PXN: variants seen among roughly 807,000 people sequenced by gnomAD.
The protein encoded by PXN is testicular tissue protein Li 134.
PXN carries 61 observed loss-of-function variants against 103.6 expected under a neutral mutation model. That is an observed-to-expected ratio of 0.59 (90% CI 0.48 to 0.73). PXN has a LOEUF of 0.73. Among genes scored for constraint, PXN ranks in the 30% least tolerant of loss-of-function variants. The pLI, the probability that PXN is intolerant of heterozygous loss-of-function variation, is 0.00. For missense variants in PXN, 1,274 were observed against 1,460.3 expected (o/e 0.87, Z 2.08); for synonymous variants, 562 against 607.8 (o/e 0.92, Z 1.11).
In PXN at chr12:120,216,861, C is replaced by G; in HGVS notation, c.1972G>C (p.Gly658Arg). 1 of 1,510,502 alleles carries G rather than the reference C, an allele frequency of 6.6e-7. No individual in the cohort carries two copies. Among genetic ancestry groups the G allele is most frequent in the Non-Finnish European group, 8.8e-7 (1 of 1,138,970 alleles). The allele number at this position is 1,510,502 out of a possible 1,614,324, so 93.6% of individuals were successfully genotyped here. A position where few individuals can be genotyped will look rare whatever the true frequency, so the allele number is the denominator to read the frequency against. The change falls in exon 8 of 15, where the codon GGG (glycine) becomes CGG (arginine). Residue 658 changes from glycine to arginine, a missense_variant. By Grantham distance (125) the Gly-to-Arg change is moderately radical. Transcript: ENST00000637617. This position sits in a 1 kb window ranked among gnomAD's most constrained non-coding sequence, Gnocchi z 5.1. ...GCCACCTTCTCTACGAGCTGCCCCC[C>G]GGCCCGCTTCCCACGTGGCTGCACA... The part of the protein sequence containing the change: ...ITVQPRGKRA[G>R]GQLVEKVVFP...
chr12:120,252,115 C>G (rs547800453), intron 1 of PXN, among the ~76,000 whole-genome samples: 1 of 152,226 alleles, frequency 6.6e-6, no homozygotes, highest in Admixed American at 6.6e-5. Flanking sequence ...ACCTCCCCAC[C>G]CCAAACCCAG....
intron 1 of PXN, among the ~76,000 whole-genome samples, chr12:120,237,280 T>C (rs1157502170): frequency 6.6e-6 from 1 of 152,022 alleles, no homozygotes; most frequent in Non-Finnish European, 1.5e-5. Context: ...TGCCTCAGCC[T>C]CCCAAGTAGC....
At chr12:120,238,830 A>T (rs1889615410) in intron 1 of PXN, among the ~76,000 whole-genome samples, 1 of 152,172 alleles carries the variant, frequency 6.6e-6, no homozygotes, top group Non-Finnish European at 1.5e-5. Flanking sequence ...GGTGAACCCC[A>T]TCATTCCTCC....
At chr12:120,232,468 C>T (rs568633562) in intron 1 of PXN, among the ~76,000 whole-genome samples, 1 of 152,306 alleles carries the variant, frequency 6.6e-6, no homozygotes, top group East Asian at 1.9e-4. Context: ...GATGCTAGAC[C>T]TTTTCAGGTC....
chr12:120,242,408 A>G lies in PXN; in HGVS notation c.14-18031T>C, dbSNP rs577863844. Among the ~76,000 whole-genome samples the G allele has an allele frequency of 3.3e-5, 5 of 152,218 alleles. No individual in the cohort carries two copies. The South Asian group carries it at 1.0e-3, about 32-fold the overall frequency. On this transcript the variant is annotated intron_variant, in intron 1 of 14. Transcript: ENST00000637617. Reference sequence around the variant, plus strand: ...CTGACAGCCGTCCTCCAGGAAAAAGAGGGGTCAGCCTAAGCAGGTTATCAG... The same window carrying G: ...CTGACAGCCGTCCTCCAGGAAAAAGGGGGGTCAGCCTAAGCAGGTTATCAG...
chr12:120,227,067 TCTC>T (rs1887014717), intron 1 of PXN: 2 of 985,922 alleles, frequency 2.0e-6, no homozygotes, highest in Non-Finnish European at 2.4e-6. Context: ...TTCTTCTAAG[TCTC>T]CTAAGTCTTT....
chr12:120,249,415 C>T (rs1891780773), intron 1 of PXN, among the ~76,000 whole-genome samples: 1 of 152,112 alleles, frequency 6.6e-6, no homozygotes, highest in Admixed American at 6.5e-5. Context: ...GAGGGAAAAT[C>T]TCAGACAGTC....
intron 1 of PXN, among the ~76,000 whole-genome samples, chr12:120,238,571 A>C (rs796239639): frequency 6.6e-6 from 1 of 152,378 alleles, no homozygotes; most frequent in African/African-American, 2.4e-5. Flanking sequence ...GCAGAGCCAG[A>C]GGGCAACAGC....
chr12:120,236,753 G>A (rs935583780), intron 1 of PXN, among the ~76,000 whole-genome samples: 3 of 152,010 alleles, frequency 2.0e-5, no homozygotes, highest in Non-Finnish European at 4.4e-5. Context: ...GGCATTACAG[G>A]TGTGAGCCAC....
Position 120,224,435 on chromosome 12 carries a change from G to A in PXN, c.14-58C>T. 7.8e-7 allele frequency: 1 copy of A among 1,277,620 alleles called. No individual in the cohort carries two copies. Among genetic ancestry groups the A allele is most frequent in the Admixed American group, 1.7e-5 (1 of 59,578 alleles). 79.1% of individuals were successfully genotyped at this position (1,277,620 alleles called of 1,614,324 possible). A position where few individuals can be genotyped will look rare whatever the true frequency, so the allele number is the denominator to read the frequency against. Reference sequence around the variant, plus strand: ...ACCGGGATCCTGGGGACTCTCCCGTGGCAGGGCCCTCCCTGCCTGCACCTC... The same window carrying A: ...ACCGGGATCCTGGGGACTCTCCCGTAGCAGGGCCCTCCCTGCCTGCACCTC... On this transcript the variant is annotated intron_variant, in intron 1 of 14. Transcript: ENST00000637617. The surrounding 1 kb of genome is among the most constrained non-coding windows in gnomAD (Gnocchi z 5.0).
chr12:120,234,811 C>T (rs1888720651), intron 1 of PXN, among the ~76,000 whole-genome samples: 1 of 152,264 alleles, frequency 6.6e-6, no homozygotes, highest in East Asian at 1.9e-4. Flanking sequence ...CGTAAGCCTC[C>T]CACTCTGACA....
chr12:120,264,182 G>T (rs1894313846), intron 1 of PXN: 1 of 152,194 alleles, frequency 6.6e-6, no homozygotes, highest in Non-Finnish European at 1.5e-5. Context: ...GGATCTCAGG[G>T]GCACCCTGAT....
In PXN at chr12:120,258,546, C is replaced by A. The variant is rs76949599; in HGVS notation, c.13+7071G>T. Among the ~76,000 whole-genome samples, 1,285 of 152,248 alleles carry A rather than the reference C, an allele frequency of 8.4e-3. 19 individuals carry two copies. Among genetic ancestry groups the A allele is most frequent in the African/African-American group, 0.027 (1,115 of 41,528 alleles). Reference sequence around the variant, plus strand: ...AACCATAGGCAGGCGCAGGCCAGCACCTAGGCCCAACAACTCCAAGCCCAT... The same window carrying A: ...AACCATAGGCAGGCGCAGGCCAGCAACTAGGCCCAACAACTCCAAGCCCAT... On this transcript the variant is annotated intron_variant, in intron 1 of 14. Transcript: ENST00000637617.
intron 1 of PXN, among the ~76,000 whole-genome samples, chr12:120,227,642 G>A (rs977414046): frequency 6.6e-6 from 1 of 152,118 alleles, no homozygotes; most frequent in South Asian, 2.1e-4. Context: ...CTCTGGTATG[G>A]CTTCCTCCTC....
chr12:120,214,733 C>G lies in PXN; in HGVS notation c.2748+92G>C, dbSNP rs1480795012. ...TGTGAGCCTCGGGCATGTGACCTCT[C>G]TGAGCCTCCCACGGCACCCCCTGCA... is the stretch of plus-strand genomic sequence containing the variant. On this transcript the variant is annotated intron_variant, in intron 12 of 14. Coordinates refer to ENST00000637617, the MANE Select transcript of PXN (RefSeq NM_001385981.1). The surrounding 1 kb of genome is among the most constrained non-coding windows in gnomAD (Gnocchi z 5.0). 9.2e-6 allele frequency: 14 copies of G among 1,525,022 alleles called. No homozygotes were observed. The highest frequency in any genetic ancestry group is 1.3e-5 in the Non-Finnish European group (14 of 1,119,258). 94.5% of individuals were successfully genotyped at this position (1,525,022 alleles called of 1,614,324 possible).
rs765032400 is a variant in PXN at position 120,222,960 on chromosome 12, G to A, written c.396C>T (p.Thr132=). The A allele has an allele frequency of 8.1e-6, 13 of 1,613,954 alleles. No homozygotes were observed. The highest frequency in any genetic ancestry group is 2.2e-5 in the East Asian group (1 of 44,846). ...TGCTGCCCAGGGACGTGCTCATTACGGTGGGTGAAGGCTCAGCTGATTTCT... is the reference window on the plus strand; with the variant it reads ...TGCTGCCCAGGGACGTGCTCATTACAGTGGGTGAAGGCTCAGCTGATTTCT... ...NKQKSAEPSP[T]VMSTSLGSNL... Residue 132 remains threonine (T), a synonymous_variant, in exon 4 of 15, where the codon ACC becomes ACT. Transcript: ENST00000637617. The surrounding 1 kb of genome is among the most constrained non-coding windows in gnomAD (Gnocchi z 4.7).
chr12:120,236,415 A>T (rs1889053931), intron 1 of PXN, among the ~76,000 whole-genome samples: 1 of 151,318 alleles, frequency 6.6e-6, no homozygotes, highest in Admixed American at 6.6e-5. Flanking sequence ...ACCTCCTGGG[A>T]TCCCACCTCA....
chr12:120,236,466 C>G (rs1163229727), intron 1 of PXN, among the ~76,000 whole-genome samples: 3 of 151,086 alleles, frequency 2.0e-5, no homozygotes, highest in African/African-American at 7.3e-5. Flanking sequence ...TGCCACCATG[C>G]CCAGATGATC....
chr12:120,242,619 C>T (rs1397109406), intron 1 of PXN, among the ~76,000 whole-genome samples: 1 of 152,090 alleles, frequency 6.6e-6, no homozygotes, highest in African/African-American at 2.4e-5. Flanking sequence ...AGTGTGGTGG[C>T]TCATGCCTGT....
Sources: allele counts gnomAD v4.1 joint callset (sites outside exome capture counted in the v4.1 genomes callset), GRCh38; gene constraint gnomAD v4.1.1; non-coding constraint Gnocchi (gnomAD v3.1); transcripts MANE v1.5; gene names NCBI Gene and HGNC (gene_info 2026-07-23, HGNC 2026-07-21).